The following SLC47A1 variants were observed in gnomAD, a reference collection of about 807,000 sequenced individuals.
The protein encoded by SLC47A1 is solute carrier family 47 member 1, also known as multidrug and toxin extrusion protein 1.
A neutral mutation model predicts 65.8 loss-of-function variants in SLC47A1; 58 were observed. That is an observed-to-expected ratio of 0.88 (90% CI 0.71 to 1.10). The LOEUF is 1.10. Among genes scored for constraint, SLC47A1 ranks in the 50% least tolerant of loss-of-function variants. The pLI, the probability that SLC47A1 is intolerant of heterozygous loss-of-function variation, is 0.00. For missense variants in SLC47A1, 706 were observed against 719.2 expected (o/e 0.98, Z 0.21); for synonymous variants, 285 against 295.0 (o/e 0.97, Z 0.35).
intron 12 of SLC47A1, among the ~76,000 whole-genome samples, chr17:19,563,102 G>T (rs2084325925): frequency 7.0e-6 from 1 of 142,044 alleles, no homozygotes; most frequent in South Asian, 2.3e-4. Context: ...CTAAATAACT[G>T]ATTTCCTGTA....
At chr17:19,566,759 C>T in intron 12 of SLC47A1, 31 bp from the exon 13 acceptor site, 1 of 1,608,882 alleles carries the variant, frequency 6.2e-7, no homozygotes, top group Non-Finnish European at 8.5e-7. Context: ...ACTTTGTCTC[C>T]TAATCACCAC....
rs1597513658 is a variant in SLC47A1, at chr17:19,572,653, A to C, written c.1405-127A>C. The C allele has an allele frequency of 3.8e-6, 3 of 795,500 alleles. No homozygotes were observed. In the East Asian group the frequency reaches 7.4e-5, roughly 20 times the overall value. 49.3% of individuals were successfully genotyped at this position (795,500 alleles called of 1,614,324 possible). A position where few individuals can be genotyped will look rare whatever the true frequency, so the allele number is the denominator to read the frequency against. ...AATCTTTATGAAAGATGACCTGTGA[A>C]TGAGAGGAACTTCAGCTATACATGC... is the stretch of plus-strand genomic sequence containing the variant. On this transcript the variant is annotated intron_variant, in intron 15 of 16. Transcript: ENST00000270570.
Position 19,567,223 on chromosome 17 carries a change from T to C in SLC47A1, c.1304T>C (p.Val435Ala). The C allele has an allele frequency of 6.2e-7, 1 of 1,614,092 alleles. No homozygotes were observed. Among genetic ancestry groups the C allele is most frequent in the Non-Finnish European group, 8.5e-7 (1 of 1,180,012 alleles). Residue 435 changes from valine (V) to alanine (A), a missense_variant, in exon 14 of 17, where the codon GTG (valine) becomes GCG (alanine). Transcript: ENST00000270570. ...CTGATGTTTGCAACCACACTTGGAGTGATGGGTAAGCTCTAACCTCTGCAG... is the reference window on the plus strand; with the variant it reads ...CTGATGTTTGCAACCACACTTGGAGCGATGGGTAAGCTCTAACCTCTGCAG... ...IALMFATTLG[V>A]MGLWSGIIIC... is the part of the protein sequence containing the mutation.
chr17:19,547,907 C>A, intron 3 of SLC47A1, 78 bp from the exon 4 acceptor site: 1 of 1,457,478 alleles, frequency 6.9e-7, no homozygotes, highest in Non-Finnish European at 9.2e-7. Context: ...CTTTGTGTGG[C>A]ACAATTGAAG....
At chr17:19,572,753 C>G (rs1199097966) in intron 15 of SLC47A1, 27 bp from the exon 16 acceptor site, 1 of 1,607,260 alleles carries the variant, frequency 6.2e-7, no homozygotes, top group South Asian at 1.1e-5. Context: ...TATTGTGAAG[C>G]CTGATGGACT....
chr17:19,555,784 T>TC lies in SLC47A1; in HGVS notation c.740-5dup, dbSNP rs373281364. The TC allele has an allele frequency of 6.7e-5, 108 of 1,612,768 alleles. No individual in the cohort carries two copies. In the African/African-American group the frequency reaches 8.5e-4, roughly 13 times the overall value. Reference sequence around the variant, plus strand: ...GCCAGATCTCCTGGAAATGTGTGTGTCCCCCCCACAGGCTGGTCCCTCGAG... The same window carrying TC: ...GCCAGATCTCCTGGAAATGTGTGTGTCCCCCCCCACAGGCTGGTCCCTCGAG... On this transcript the variant is annotated splice_polypyrimidine_tract_variant and intron_variant, in intron 8 of 16. Transcript: ENST00000270570.
At chr17:19,551,045 G>C (rs1021766123) in intron 5 of SLC47A1, among the ~76,000 whole-genome samples, 1 of 152,170 alleles carries the variant, frequency 6.6e-6, no homozygotes, top group Non-Finnish European at 1.5e-5. Context: ...CTGAAACCTT[G>C]TAAATGTGAC....
chr17:19,576,336 A>G (rs1597516271), intron 16 of SLC47A1, among the ~76,000 whole-genome samples: 1 of 135,388 alleles, frequency 7.4e-6, no homozygotes, highest in East Asian at 2.2e-4. Flanking sequence ...ATAGCCTTGT[A>G]TTCTTTCTTC....
At chr17:19,559,653 T>C (rs919400879) in intron 10 of SLC47A1, among the ~76,000 whole-genome samples, 3 of 152,192 alleles carry the variant, frequency 2.0e-5, no homozygotes, top group African/African-American at 7.2e-5. Flanking sequence ...TGCCTCAGCC[T>C]GCTGAGTAGC....
chr17:19,560,616 G>C, intron 12 of SLC47A1, 123 bp downstream of exon 12: 2 of 1,003,198 alleles, frequency 2.0e-6, no homozygotes, highest in Admixed American at 1.9e-5. Context: ...TCAGTAAAAA[G>C]AAAACATCTC....
chr17:19,571,457 A>G (rs775971425), intron 14 of SLC47A1, 21 bp from the exon 15 acceptor site: 3 of 1,605,082 alleles, frequency 1.9e-6, no homozygotes, highest in South Asian at 1.1e-5. Context: ...ATTAACCTCT[A>G]TTAAATATTT....
chr17:19,555,895 G>A lies in SLC47A1; in HGVS notation c.839G>A (p.Gly280Glu), dbSNP rs1476515340. The A allele has an allele frequency of 3.7e-6, 6 of 1,613,924 alleles. No homozygotes were observed. The highest frequency in any genetic ancestry group is 5.1e-6 in the Non-Finnish European group (6 of 1,180,038). ...ATGGAGTGGTGGGCCTATGAGGTCG[G>A]GAGCTTCCTCAGTGGTCTGTATGAG... The part of the protein sequence containing the change: ...LCMEWWAYEV[G>E]SFLSGILGMV... Residue 280 changes from glycine (G) to glutamate (E), a missense_variant, in exon 9 of 17, where the codon GGG becomes GAG. Transcript: ENST00000270570.
At chr17:19,543,956 T>C (rs770783501) in intron 2 of SLC47A1, among the ~76,000 whole-genome samples, 2 of 152,208 alleles carry the variant, frequency 1.3e-5, no homozygotes, top group South Asian at 4.1e-4. Flanking sequence ...TATTTTATTT[T>C]ATTTAATTAT....
chr17:19,550,717 G>A (rs543623164), intron 5 of SLC47A1, among the ~76,000 whole-genome samples: 1 of 152,318 alleles, frequency 6.6e-6, no homozygotes, highest in South Asian at 2.1e-4. Context: ...AACAACAGAA[G>A]TTTATTTTCT....
rs1162097427 is a variant in SLC47A1 at position 19,548,270 on chromosome 17, C to G, written c.455+137C>G. The G allele has an allele frequency of 5.7e-6, 6 of 1,050,832 alleles. No homozygotes were observed. The African/African-American group carries it at 6.4e-5, about 11-fold the overall frequency. 65.1% of individuals were successfully genotyped at this position (1,050,832 alleles called of 1,614,324 possible). ...TCTCCTTGGCTGACGTCTCCTAGGT[C>G]TTAGTACTTTCCACACCTGGCATCT... On this transcript the variant is annotated intron_variant, in intron 4 of 16. Transcript: ENST00000270570.
At chr17:19,547,716 CTTT>C (rs1180263887) in intron 3 of SLC47A1, among the ~76,000 whole-genome samples, 2 of 68,586 alleles carry the variant, frequency 2.9e-5, no homozygotes, top group Non-Finnish European at 5.2e-5. Context: ...CCATGGGCTT[CTTT>C]TTTTTTTTTT....
chr17:19,563,323 G>T (rs1051049588), intron 12 of SLC47A1, among the ~76,000 whole-genome samples: 1 of 151,574 alleles, frequency 6.6e-6, no homozygotes, highest in Non-Finnish European at 1.5e-5. Context: ...TGGTAGAGAT[G>T]GGGTTTCACC....
chr17:19,564,132 C>T (rs1015003823), intron 12 of SLC47A1, among the ~76,000 whole-genome samples: 16 of 152,176 alleles, frequency 1.1e-4, no homozygotes, highest in African/African-American at 3.9e-4. Flanking sequence ...GCAAAAGGAT[C>T]ACTTGAGCCC....
At position 19,577,751 on chromosome 17, in the gene SLC47A1, T is replaced by C; in HGVS notation, c.*198T>C. On this transcript the variant is annotated 3_prime_UTR_variant, in exon 17 of 17. Coordinates refer to ENST00000270570, the MANE Select transcript of SLC47A1 (RefSeq NM_018242.3). Reference sequence around the variant, plus strand: ...AAAGCTATATTGTGGCCCAAGACACTGTCTGAAAGATGACATGAGTAGTAA... The same window carrying C: ...AAAGCTATATTGTGGCCCAAGACACCGTCTGAAAGATGACATGAGTAGTAA... The C allele has an allele frequency of 7.1e-7, 1 of 1,403,138 alleles. No individual in the cohort carries two copies. The highest frequency in any genetic ancestry group is 9.2e-7 in the Non-Finnish European group (1 of 1,082,338). The allele number at this position is 1,403,138 out of a possible 1,614,324, so 86.9% of individuals were successfully genotyped here. A position where few individuals can be genotyped will look rare whatever the true frequency, so the allele number is the denominator to read the frequency against.
Sources: gnomAD v4.1 joint callset for allele counts (sites outside exome capture counted in the v4.1 genomes callset) on GRCh38, gnomAD v4.1.1 for gene constraint, MANE v1.5 for transcripts, NCBI Gene and HGNC (gene_info 2026-07-23, HGNC 2026-07-21) for gene names.